ZCCHC7: variants seen among roughly 807,000 people sequenced by gnomAD.
The protein encoded by ZCCHC7 is zinc finger CCHC-type containing 7.
ZCCHC7 carries 35 observed loss-of-function variants against 52.0 expected under a neutral mutation model. That is an observed-to-expected ratio of 0.67 (90% CI 0.51 to 0.89). The LOEUF is 0.89. ZCCHC7 is among the 40% of genes least tolerant of loss of function. The probability of loss-of-function intolerance (pLI) is 0.00; values close to 1 mark genes in which losing one functional copy is unlikely to be tolerated. For synonymous variants in ZCCHC7, 217 were observed against 221.5 expected (o/e 0.98, Z 0.18); for missense variants, 574 against 649.1 (o/e 0.88, Z 1.26).
chr9:37,308,430 A>G (rs1829434638), intron 5 of ZCCHC7, among the ~76,000 whole-genome samples: 1 of 152,154 alleles, frequency 6.6e-6, no homozygotes, highest in Non-Finnish European at 1.5e-5. Flanking sequence ...AGACATTATC[A>G]TAGGCAATTT....
intron 6 of ZCCHC7, among the ~76,000 whole-genome samples, chr9:37,343,533 TC>T (rs1820767532): frequency 6.6e-6 from 1 of 152,222 alleles, no homozygotes; most frequent in Admixed American, 6.5e-5. Flanking sequence ...AATGAAAAAT[TC>T]CTACTAAGGG....
intron 2 of ZCCHC7, among the ~76,000 whole-genome samples, chr9:37,200,449 AG>A (rs1472032172): frequency 2.0e-5 from 3 of 152,198 alleles, no homozygotes; most frequent in Non-Finnish European, 2.9e-5. Flanking sequence ...AATCTTAAAA[AG>A]CTATAATCCC....
chr9:37,254,040 T>C (rs2133408716), intron 2 of ZCCHC7, among the ~76,000 whole-genome samples: 1 of 152,142 alleles, frequency 6.6e-6, no homozygotes, highest in Middle Eastern at 3.4e-3. Context: ...ATATGAGTGT[T>C]ACCAGAACAT....
intron 2 of ZCCHC7, among the ~76,000 whole-genome samples, chr9:37,292,329 G>A (rs1828578623): frequency 6.6e-6 from 1 of 152,196 alleles, no homozygotes; most frequent in Middle Eastern, 3.2e-3. Context: ...CACTAGAGAT[G>A]TGAAGATGAC....
intron 6 of ZCCHC7, among the ~76,000 whole-genome samples, chr9:37,348,112 A>G (rs1821110855): frequency 6.6e-6 from 1 of 151,738 alleles, no homozygotes; most frequent in African/African-American, 2.4e-5. Context: ...TTTCAGATCT[A>G]CTCTTCAGCT....
intron 1 of ZCCHC7, among the ~76,000 whole-genome samples, chr9:37,123,731 G>T (rs935729239): frequency 1.3e-5 from 2 of 152,124 alleles, no homozygotes; most frequent in Non-Finnish European, 2.9e-5. Flanking sequence ...GATTTTGAAA[G>T]AAGCATAATT....
chr9:37,192,634 G>T (rs1823075745), intron 2 of ZCCHC7, among the ~76,000 whole-genome samples: 1 of 152,162 alleles, frequency 6.6e-6, no homozygotes, highest in South Asian at 2.1e-4. Context: ...TAATGTGTGT[G>T]TCACCTATGG....
At chr9:37,270,887 T>G (rs1827378162) in intron 2 of ZCCHC7, among the ~76,000 whole-genome samples, 2 of 151,938 alleles carry the variant, frequency 1.3e-5, no homozygotes, top group Admixed American at 1.3e-4. Context: ...GATGACTCTT[T>G]CTGTATAACT....
chr9:37,252,632 G>A (rs1039721450), intron 2 of ZCCHC7, among the ~76,000 whole-genome samples: 3 of 152,116 alleles, frequency 2.0e-5, no homozygotes, highest in Non-Finnish European at 4.4e-5. Flanking sequence ...TGTAACTAAC[G>A]TTCAAGGTGA....
chr9:37,258,850 A>G (rs1826725803), intron 2 of ZCCHC7, among the ~76,000 whole-genome samples: 1 of 151,872 alleles, frequency 6.6e-6, no homozygotes, highest in South Asian at 2.1e-4. Context: ...AGAGAAAAGC[A>G]AAAAATAGAT....
chr9:37,219,911 T>C (rs1288000971), intron 2 of ZCCHC7, among the ~76,000 whole-genome samples: 3 of 152,200 alleles, frequency 2.0e-5, no homozygotes, highest in African/African-American at 7.2e-5. Context: ...ATCAAGGACG[T>C]CAGGACATTC....
At chr9:37,162,934 G>A (rs375294788) in intron 2 of ZCCHC7, among the ~76,000 whole-genome samples, 1 of 152,128 alleles carries the variant, frequency 6.6e-6, no homozygotes, top group Non-Finnish European at 1.5e-5. Context: ...CGGGTACTGT[G>A]GCTCATGCCT....
chr9:37,348,029 C>T lies in ZCCHC7; in HGVS notation c.988-1328C>T, dbSNP rs561546603. On this transcript the variant is annotated intron_variant, in intron 6 of 8. Coordinates refer to ENST00000336755, the MANE Select transcript of ZCCHC7 (RefSeq NM_032226.3). Reference sequence around the variant, plus strand: ...TCTTCAGGGTTCCTTCCTCAGCCCACAGCCACTCTTACACTGTCCATGGTG... The same window carrying T: ...TCTTCAGGGTTCCTTCCTCAGCCCATAGCCACTCTTACACTGTCCATGGTG... 2.0e-5 allele frequency among the ~76,000 whole-genome samples: 3 copies of T among 152,312 alleles called. No individual in the cohort carries two copies. In the East Asian group the frequency reaches 5.8e-4, roughly 29 times the overall value.
At chr9:37,141,103 C>T (rs970174167) in intron 2 of ZCCHC7, among the ~76,000 whole-genome samples, 4 of 151,870 alleles carry the variant, frequency 2.6e-5, no homozygotes, top group African/African-American at 9.7e-5. Flanking sequence ...TACCTGCAAC[C>T]TCAGCAGTCC....
chr9:37,352,396 C>T (rs1462207755), intron 7 of ZCCHC7, among the ~76,000 whole-genome samples: 1 of 152,038 alleles, frequency 6.6e-6, no homozygotes, highest in Non-Finnish European at 1.5e-5. Context: ...ACAAAGATTA[C>T]TCCAGGAGTG....
At chr9:37,131,265 G>A (rs1485407349) in intron 2 of ZCCHC7, among the ~76,000 whole-genome samples, 2 of 151,892 alleles carry the variant, frequency 1.3e-5, no homozygotes, top group Non-Finnish European at 2.9e-5. Context: ...GTGTGAACCT[G>A]GGAGGCAGAG....
At chr9:37,224,601 C>T (rs1824999252) in intron 2 of ZCCHC7, among the ~76,000 whole-genome samples, 1 of 152,134 alleles carries the variant, frequency 6.6e-6, no homozygotes. Context: ...ACCTTATTGC[C>T]TAGAGACAGT....
intron 2 of ZCCHC7, among the ~76,000 whole-genome samples, chr9:37,141,857 C>G (rs1843240675): frequency 6.6e-6 from 1 of 151,764 alleles, no homozygotes; most frequent in Non-Finnish European, 1.5e-5. Context: ...GCAAAACTTG[C>G]ATACTTTCAA....
intron 2 of ZCCHC7, among the ~76,000 whole-genome samples, chr9:37,287,310 G>A (rs551984440): frequency 4.5e-4 from 68 of 151,970 alleles, no homozygotes; most frequent in Non-Finnish European, 8.4e-4. Flanking sequence ...AAATCAGGAT[G>A]AGCATTTGTA....
Sources: allele counts gnomAD v4.1 joint callset (sites outside exome capture counted in the v4.1 genomes callset), GRCh38; gene constraint gnomAD v4.1.1; transcripts MANE v1.5; gene names NCBI Gene and HGNC (gene_info 2026-07-23, HGNC 2026-07-21).